CCDC33: variants seen among roughly 807,000 people sequenced by gnomAD.
The protein encoded by CCDC33 is coiled-coil domain containing 33, also known as coiled-coil domain-containing protein 33.
CCDC33 carries 94 observed loss-of-function variants against 91.9 expected under a neutral mutation model. The observed-to-expected ratio is 1.02, with a 90% CI of 0.87 to 1.21. The LOEUF is 1.21. Ranked by LOEUF, CCDC33 falls within the 50% of genes most tolerant of loss-of-function variation. The pLI is 0.00. For synonymous variants in CCDC33, 396 were observed against 374.5 expected (o/e 1.06, Z -0.66); for missense variants, 940 against 935.5 (o/e 1.00, Z -0.06).
At chr15:74,221,435 G>A (rs911122340) in intron 2 of CCDC33, 6 of 519,292 alleles carry the variant, frequency 1.2e-5, no homozygotes, top group South Asian at 8.1e-5. Context: ...TCTCAGCCAC[G>A]GCCCCTGGGT....
At chr15:74,293,759 A>AGT (rs1358989388) in intron 10 of CCDC33, among the ~76,000 whole-genome samples, 11 of 152,222 alleles carry the variant, frequency 7.2e-5, no homozygotes, top group Non-Finnish European at 1.5e-4. Flanking sequence ...GGGGTCCCCC[A>AGT]GTGTCCCACT....
At chr15:74,284,353 T>C (rs1224798308) in intron 10 of CCDC33, among the ~76,000 whole-genome samples, 1 of 152,166 alleles carries the variant, frequency 6.6e-6, no homozygotes, top group Non-Finnish European at 1.5e-5. Flanking sequence ...CTCTAGTGTC[T>C]GAGACCTTTT....
intron 11 of CCDC33, among the ~76,000 whole-genome samples, chr15:74,325,924 C>T (rs1190121950): frequency 6.6e-6 from 1 of 152,168 alleles, no homozygotes; most frequent in Non-Finnish European, 1.5e-5. Flanking sequence ...CAAAGACAAT[C>T]GCCATTCCTC....
chr15:74,269,828 G>T (rs559539960), intron 5 of CCDC33, among the ~76,000 whole-genome samples: 1 of 152,178 alleles, frequency 6.6e-6, no homozygotes, highest in African/African-American at 2.4e-5. Flanking sequence ...GATGGTGAGC[G>T]CATGGCAGGA....
At chr15:74,335,173 G>A in intron 18 of CCDC33, 85 bp downstream of exon 18, 1 of 1,081,836 alleles carries the variant, frequency 9.2e-7, no homozygotes, top group Non-Finnish European at 1.4e-6. Flanking sequence ...TGGGCCCTGA[G>A]AAAAGCCATT....
chr15:74,257,330 G>A (rs1302119707), intron 2 of CCDC33, among the ~76,000 whole-genome samples: 3 of 152,236 alleles, frequency 2.0e-5, no homozygotes, highest in South Asian at 2.1e-4. Flanking sequence ...GGAGGCGGCA[G>A]CACAGACTGG....
chr15:74,293,337 G>A (rs567509947), intron 10 of CCDC33, among the ~76,000 whole-genome samples: 48 of 152,282 alleles, frequency 3.2e-4, no homozygotes, highest in African/African-American at 1.1e-3. Flanking sequence ...AGCCCCAGGG[G>A]CCACCTGGTC....
Position 74,271,687 on chromosome 15 carries a change from C to A in CCDC33, c.547-16C>A. 6.2e-7 allele frequency: 1 copy of A among 1,606,858 alleles called. No homozygotes were observed. The highest frequency in any genetic ancestry group is 1.1e-5 in the South Asian group (1 of 90,890). ...GCCACATGGTGTTCACCTGCCTCCT[C>A]TCCTCTCCTCTCCAGATCTTTCTCC... On this transcript the variant is annotated splice_polypyrimidine_tract_variant and intron_variant, in intron 5 of 18. Transcript: ENST00000398814.
intron 17 of CCDC33, 48 bp downstream of exon 17, chr15:74,334,015 A>C (rs749312280): frequency 2.3e-5 from 34 of 1,505,680 alleles, no homozygotes; most frequent in Non-Finnish European, 2.9e-5. Flanking sequence ...CTCACCACAC[A>C]GCCTATAACC....
intron 11 of CCDC33, among the ~76,000 whole-genome samples, chr15:74,304,752 C>T (rs186071396): frequency 8.3e-4 from 127 of 152,198 alleles, no homozygotes; most frequent in African/African-American, 2.9e-3. Flanking sequence ...TGAGCCAGTC[C>T]GGTGGGCCTG....
Position 74,267,475 on chromosome 15 carries a change from C to CCT in CCDC33, c.429+689_429+690insTC, listed in dbSNP as rs1315156240. On this transcript the variant is annotated intron_variant, in intron 4 of 18. Coordinates refer to ENST00000398814, the MANE Select transcript of CCDC33 (RefSeq NM_025055.5). ...CCAAGGTTGGGCCTCCCAGGCCAGACCCCTGCCTGTCCTCCCTCCTAGTGC... is the reference window on the plus strand; with the variant it reads ...CCAAGGTTGGGCCTCCCAGGCCAGACCTCCCTGCCTGTCCTCCCTCCTAGTGC... Among the ~76,000 whole-genome samples the CCT allele has an allele frequency of 1.6e-3, 250 of 152,024 alleles. 2 individuals carry two copies. Among genetic ancestry groups the CCT allele is most frequent in the African/African-American group, 5.4e-3 (224 of 41,302 alleles).
intron 10 of CCDC33, among the ~76,000 whole-genome samples, chr15:74,292,767 T>C (rs1307819830): frequency 6.6e-6 from 1 of 151,952 alleles, no homozygotes; most frequent in Non-Finnish European, 1.5e-5. Context: ...GACAGAATCA[T>C]TGAGTCTGGC....
At chr15:74,236,860 T>C in intron 1 of CCDC33, 120 bp downstream of exon 1, 1 of 990,142 alleles carries the variant, frequency 1.0e-6, no homozygotes, top group Non-Finnish European at 1.5e-6. Flanking sequence ...GGGTCTCAGT[T>C]TTCACAGCTG....
upstream of CCDC33, among the ~76,000 whole-genome samples, chr15:74,215,460 A>G (rs77785542): frequency 0.021 from 3,203 of 152,236 alleles, 105 homozygotes; most frequent in African/African-American, 0.073. Context: ...TTGCACAACA[A>G]TGTAAATTTA....
intron 11 of CCDC33, among the ~76,000 whole-genome samples, chr15:74,296,397 G>A (rs1211499548): frequency 6.6e-6 from 1 of 152,142 alleles, no homozygotes; most frequent in Non-Finnish European, 1.5e-5. Context: ...GGCCAAGGCG[G>A]GCGGGTCACC....
chr15:74,281,970 T>C lies in CCDC33; in HGVS notation c.1095+121T>C, dbSNP rs200798762. On this transcript the variant is annotated intron_variant, in intron 10 of 18. Transcript: ENST00000398814. ...GGGAGGATGGGACTACTACTTTGGA[T>C]AGAAACGTCTAAGGGTGATTTGAGA... is the stretch of plus-strand genomic sequence containing the variant. 113 of 782,612 alleles carry C rather than the reference T, an allele frequency of 1.4e-4. No individual in the cohort carries two copies. In the East Asian group the frequency reaches 3.0e-3, roughly 21 times the overall value. 48.5% of individuals were successfully genotyped at this position (782,612 alleles called of 1,614,324 possible). A position where few individuals can be genotyped will look rare whatever the true frequency, so the allele number is the denominator to read the frequency against.
At chr15:74,281,947 G>A in intron 10 of CCDC33, 98 bp downstream of exon 10, 2 of 1,049,658 alleles carry the variant, frequency 1.9e-6, no homozygotes, top group Non-Finnish European at 2.9e-6. Flanking sequence ...GGACTTCTGG[G>A]AGGATGGGAC....
chr15:74,244,239 G>A lies in CCDC33; in HGVS notation c.185+91G>A. ...CTATTTGGAATACTAGCACCCAAAG[G>A]CCCAGGACTGGGACTGTCATACCCA... On this transcript the variant is annotated intron_variant, in intron 2 of 18. Transcript: ENST00000398814. The surrounding 1 kb of genome is among the most constrained non-coding windows in gnomAD (Gnocchi z 4.2). 1 of 1,491,052 alleles carries A rather than the reference G, an allele frequency of 6.7e-7. No individual in the cohort carries two copies. The highest frequency in any genetic ancestry group is 2.3e-5 in the East Asian group (1 of 43,620). 92.4% of individuals were successfully genotyped at this position (1,491,052 alleles called of 1,614,324 possible). A position where few individuals can be genotyped will look rare whatever the true frequency, so the allele number is the denominator to read the frequency against.
chr15:74,254,187 C>T (rs1348492046), intron 2 of CCDC33, among the ~76,000 whole-genome samples: 1 of 151,484 alleles, frequency 6.6e-6, no homozygotes, highest in Non-Finnish European at 1.5e-5. Flanking sequence ...CGCGCGCCAC[C>T]ACTCCCAGCT....
Sources: gnomAD v4.1 joint callset for allele counts (sites outside exome capture counted in the v4.1 genomes callset) on GRCh38, gnomAD v4.1.1 for gene constraint, Gnocchi (gnomAD v3.1) non-coding constraint, MANE v1.5 for transcripts, NCBI Gene and HGNC (gene_info 2026-07-23, HGNC 2026-07-21) for gene names.